The following VWC2L variants were observed in gnomAD, a reference collection of about 807,000 sequenced individuals.
The protein encoded by VWC2L is von Willebrand factor C domain-containing protein 2-like.
Under a neutral mutation model 21.6 loss-of-function variants are expected in VWC2L, and 10 were observed. The observed-to-expected ratio is 0.46, with a 90% CI of 0.29 to 0.78. The LOEUF is 0.78. VWC2L is among the 30% of genes least tolerant of loss of function. The pLI, the probability that VWC2L is intolerant of heterozygous loss-of-function variation, is 0.10. For missense variants in VWC2L, 209 were observed against 277.1 expected (o/e 0.75, Z 1.74); for synonymous variants, 96 against 94.3 (o/e 1.02, Z -0.10).
intron 2 of VWC2L, among the ~76,000 whole-genome samples, chr2:214,416,872 G>C (rs1702364922): frequency 6.6e-6 from 1 of 152,016 alleles, no homozygotes; most frequent in South Asian, 2.1e-4. Context: ...GTACACAATA[G>C]GTATTAAATA....
intron 3 of VWC2L, among the ~76,000 whole-genome samples, chr2:214,474,729 T>C (rs1430759750): frequency 6.6e-6 from 1 of 152,048 alleles, no homozygotes; most frequent in Non-Finnish European, 1.5e-5. Flanking sequence ...ACTCTCCACG[T>C]GAATTGGGGA....
intron 3 of VWC2L, among the ~76,000 whole-genome samples, chr2:214,447,417 C>G (rs948095305): frequency 2.6e-5 from 4 of 152,250 alleles, no homozygotes; most frequent in African/African-American, 9.6e-5. Flanking sequence ...GGTACACAGT[C>G]TAACTTCATC....
chr2:214,436,520 T>A (rs1702681642), intron 2 of VWC2L, 109 bp from the exon 3 acceptor site: 7 of 1,363,046 alleles, frequency 5.1e-6, no homozygotes, highest in Non-Finnish European at 6.0e-6. Context: ...ATGGAATTAA[T>A]ACAGTAAAGC....
At chr2:214,482,950 G>GTC (rs1399201836) in intron 3 of VWC2L, among the ~76,000 whole-genome samples, 1 of 152,114 alleles carries the variant, frequency 6.6e-6, no homozygotes, top group Non-Finnish European at 1.5e-5. Flanking sequence ...CTTGTGTGCA[G>GTC]TCTCTCAACC....
At chr2:214,448,903 C>T (rs1702912958) in intron 3 of VWC2L, among the ~76,000 whole-genome samples, 2 of 152,148 alleles carry the variant, frequency 1.3e-5, no homozygotes, top group Non-Finnish European at 2.9e-5. Context: ...CCCTTTCCAT[C>T]CTATTCTCCC....
chr2:214,465,667 G>A (rs1703204719), intron 3 of VWC2L, among the ~76,000 whole-genome samples: 1 of 152,162 alleles, frequency 6.6e-6, no homozygotes, highest in Admixed American at 6.5e-5. Flanking sequence ...CTGGCTCAGA[G>A]CCCAGCTCAG....
At chr2:214,554,651 A>G (rs530297781) in intron 3 of VWC2L, among the ~76,000 whole-genome samples, 3 of 152,302 alleles carry the variant, frequency 2.0e-5, no homozygotes, top group East Asian at 3.9e-4. Context: ...CAACAAGAGC[A>G]AAACTCCATC....
chr2:214,478,493 A>G (rs1220554862), intron 3 of VWC2L, among the ~76,000 whole-genome samples: 1 of 151,960 alleles, frequency 6.6e-6, no homozygotes, highest in Non-Finnish European at 1.5e-5. Context: ...AACAAAAAAC[A>G]ACGACAACAA....
Position 214,519,596 on chromosome 2 carries a change from C to G in VWC2L, c.521-56076C>G, listed in dbSNP as rs561789501. On this transcript the variant is annotated intron_variant, in intron 3 of 3. Transcript: ENST00000312504. ...AAAAGAAAACAGGAACTGGCCACAA[C>G]AGTGTGATGGTTAAATTCTCTCTCA... 2.2e-4 allele frequency among the ~76,000 whole-genome samples: 33 copies of G among 152,316 alleles called. 1 individual carries two copies. The highest frequency in any genetic ancestry group is 9.2e-4 in the Admixed American group (14 of 15,298).
At chr2:214,519,474 T>C (rs1689197252) in intron 3 of VWC2L, among the ~76,000 whole-genome samples, 1 of 152,210 alleles carries the variant, frequency 6.6e-6, no homozygotes, top group African/African-American at 2.4e-5. Context: ...CTGACAGCTG[T>C]TCTTTGCCCA....
chr2:214,544,174 G>A (rs866997317), intron 3 of VWC2L, among the ~76,000 whole-genome samples: 1 of 152,150 alleles, frequency 6.6e-6, no homozygotes, highest in Non-Finnish European at 1.5e-5. Context: ...TTGTGAAAAG[G>A]GGAAAGGGAG....
At chr2:214,547,890 T>C (rs558501308) in intron 3 of VWC2L, among the ~76,000 whole-genome samples, 1 of 152,334 alleles carries the variant, frequency 6.6e-6, no homozygotes, top group South Asian at 2.1e-4. Context: ...AGAAGCACAG[T>C]GAATAGTATG....
chr2:214,425,698 A>T (rs553206525), intron 2 of VWC2L, among the ~76,000 whole-genome samples: 1 of 152,182 alleles, frequency 6.6e-6, no homozygotes, highest in Non-Finnish European at 1.5e-5. Flanking sequence ...CACAATCCAC[A>T]GTTTGATCCC....
chr2:214,447,235 G>C (rs1296642498), intron 3 of VWC2L, among the ~76,000 whole-genome samples: 1 of 152,086 alleles, frequency 6.6e-6, no homozygotes, highest in Non-Finnish European at 1.5e-5. Flanking sequence ...CAAACCACTG[G>C]CTACGGGAGA....
rs550457613 is a variant in VWC2L, at chr2:214,514,622, C to T, written c.521-61050C>T. 2.6e-5 allele frequency among the ~76,000 whole-genome samples: 4 copies of T among 152,276 alleles called. No homozygotes were observed. The East Asian group carries it at 7.7e-4, about 29-fold the overall frequency. On this transcript the variant is annotated intron_variant, in intron 3 of 3. Transcript: ENST00000312504. ...GGAAATCATGATACATTTTTGCAATCCTGTGTCCTACAACAATAGGATATT... is the reference window on the plus strand; with the variant it reads ...GGAAATCATGATACATTTTTGCAATTCTGTGTCCTACAACAATAGGATATT...
At chr2:214,540,150 A>C (rs1046081691) in intron 3 of VWC2L, among the ~76,000 whole-genome samples, 1 of 152,174 alleles carries the variant, frequency 6.6e-6, no homozygotes, top group Admixed American at 6.6e-5. Flanking sequence ...CTAAGTTCTC[A>C]GTCCCTGCAT....
At chr2:214,507,051 G>A (rs1185463398) in intron 3 of VWC2L, among the ~76,000 whole-genome samples, 1 of 151,812 alleles carries the variant, frequency 6.6e-6, no homozygotes, top group African/African-American at 2.4e-5. Flanking sequence ...ATAAAACAAA[G>A]GTCAACATGT....
chr2:214,563,546 CAAAAAAA>C (rs55864016), intron 3 of VWC2L, among the ~76,000 whole-genome samples: 19 of 95,854 alleles, frequency 2.0e-4, no homozygotes, highest in East Asian at 6.2e-4. Flanking sequence ...GACTCCGTCT[CAAAAAAA>C]AAAAAAAAAA....
chr2:214,513,000 G>A (rs1689080755), intron 3 of VWC2L, among the ~76,000 whole-genome samples: 1 of 152,070 alleles, frequency 6.6e-6, no homozygotes, highest in Non-Finnish European at 1.5e-5. Context: ...ATCTACTAGA[G>A]TGATAGTCCA....
Sources: gnomAD v4.1 joint callset for allele counts (sites outside exome capture counted in the v4.1 genomes callset) on GRCh38, gnomAD v4.1.1 for gene constraint, MANE v1.5 for transcripts, NCBI Gene and HGNC (gene_info 2026-07-23, HGNC 2026-07-21) for gene names.